C5orf15: variants seen among roughly 807,000 people sequenced by gnomAD.
The protein encoded by C5orf15 is keratinocyte-associated transmembrane protein 2.
In C5orf15, 10 loss-of-function variants were observed where a neutral mutation model predicts 17.8. The observed-to-expected ratio is 0.56, with a 90% CI of 0.35 to 0.95. The LOEUF (loss-of-function observed/expected upper bound fraction) is 0.95, where lower values mean the gene tolerates loss of function less well. Ranked by LOEUF, C5orf15 falls within the 40% of genes least tolerant of loss-of-function variation. The pLI is 0.02. For missense variants in C5orf15, 319 were observed against 331.7 expected, an observed-to-expected ratio of 0.96 and a Z score of 0.30; for synonymous variants, 124 against 131.0, an observed-to-expected ratio of 0.95 and a Z score of 0.36.
chr5:133,956,873 C>A lies in C5orf15; in HGVS notation c.784G>T (p.Asp262Tyr). 2 of 1,589,332 alleles carry A rather than the reference C, an allele frequency of 1.3e-6. No homozygotes were observed. The highest frequency in any genetic ancestry group is 1.2e-5 in the South Asian group (1 of 85,208). The part of the protein sequence containing the change: ...EAMPSLKITN[D>Y]YIF ...ATCACAGTGCTTTAAAAAATATAAT[C>A]ATTGGTAATCTTCAAAGAAGGCATT... Residue 262 changes from aspartate to tyrosine, a missense_variant, in exon 3 of 3, where the codon GAT (aspartate) becomes TAT (tyrosine). Around this residue, in one of 3 missense-constraint regions of C5orf15, gnomAD observed 175 missense variants for 192.4 expected, o/e 0.91. Coordinates refer to ENST00000231512, the MANE Select transcript of C5orf15 (RefSeq NM_020199.3).
intron 1 of C5orf15, among the ~76,000 whole-genome samples, chr5:133,964,048 C>T (rs1051229699): frequency 1.3e-5 from 2 of 152,142 alleles, no homozygotes; most frequent in Non-Finnish European, 1.5e-5. Context: ...GAAACCCCAT[C>T]TCTACCAAAA....
chr5:133,965,799 C>A (rs1485579452), intron 1 of C5orf15, among the ~76,000 whole-genome samples: 3 of 152,206 alleles, frequency 2.0e-5, no homozygotes, highest in African/African-American at 7.2e-5. Context: ...GTGGCAGGCA[C>A]CTGTGGTCCC....
At chr5:133,965,518 C>G (rs1752179126) in intron 1 of C5orf15, among the ~76,000 whole-genome samples, 1 of 152,208 alleles carries the variant, frequency 6.6e-6, no homozygotes, top group African/African-American at 2.4e-5. Flanking sequence ...AACAAAGGTA[C>G]AACTCTGACT....
At position 133,956,667 on chromosome 5, in the gene C5orf15, G is replaced by A; in HGVS notation, c.*192C>T. On this transcript the variant is annotated 3_prime_UTR_variant, in exon 3 of 3. Coordinates refer to ENST00000231512, the MANE Select transcript of C5orf15 (RefSeq NM_020199.3). ...TGTTTAACTCACATTTTGGACACCT[G>A]ATTAAACTCAGCTCTAAAAGTACAG... 1 of 410,920 alleles carries A rather than the reference G, an allele frequency of 2.4e-6. No individual in the cohort carries two copies. The highest frequency in any genetic ancestry group is 3.7e-5 in the South Asian group (1 of 27,088). 25.5% of individuals were successfully genotyped at this position (410,920 alleles called of 1,614,324 possible). A position where few individuals can be genotyped will look rare whatever the true frequency, so the allele number is the denominator to read the frequency against.
chr5:133,964,250 T>C (rs546594902), intron 1 of C5orf15, among the ~76,000 whole-genome samples: 1 of 152,238 alleles, frequency 6.6e-6, no homozygotes, highest in South Asian at 2.1e-4. Flanking sequence ...GAACAAACTA[T>C]TGACACATGT....
At chr5:133,961,705 A>AC (rs1395856246) in intron 1 of C5orf15, among the ~76,000 whole-genome samples, 1 of 151,082 alleles carries the variant, frequency 6.6e-6, no homozygotes, top group Non-Finnish European at 1.5e-5. Context: ...TGTAGCTGGG[A>AC]CCACAGGCAC....
intron 1 of C5orf15, among the ~76,000 whole-genome samples, chr5:133,965,821 G>A (rs1473488030): frequency 6.6e-6 from 1 of 152,176 alleles, no homozygotes; most frequent in Non-Finnish European, 1.5e-5. Context: ...GCTATTCAGG[G>A]GGCTGAAGTG....
chr5:133,961,718 G>A (rs1306512909), intron 1 of C5orf15, among the ~76,000 whole-genome samples: 1 of 151,158 alleles, frequency 6.6e-6, no homozygotes, highest in Non-Finnish European at 1.5e-5. Flanking sequence ...ACAGGCACAT[G>A]CTACCCTGCC....
At position 133,965,999 on chromosome 5, in the gene C5orf15, C is replaced by T. The variant is rs1278510285; in HGVS notation, c.139+2447G>A. 1.2e-4 allele frequency among the ~76,000 whole-genome samples: 18 copies of T among 152,032 alleles called. No homozygotes were observed. In the East Asian group the frequency reaches 2.9e-3, roughly 25 times the overall value. ...CAGCACTTTGGGAGGCCAAGGCGGG[C>T]GGATCACGAGGTCAGGAGATTGAGA... On this transcript the variant is annotated intron_variant, in intron 1 of 2. Coordinates refer to ENST00000231512, the MANE Select transcript of C5orf15 (RefSeq NM_020199.3).
In C5orf15 at chr5:133,968,574, G is replaced by T; in HGVS notation, c.11C>A (p.Ala4Asp). 6.2e-7 allele frequency: 1 copy of T among 1,608,986 alleles called. No homozygotes were observed. Among genetic ancestry groups the T allele is most frequent in the East Asian group, 2.2e-5 (1 of 44,748 alleles). MAA[A>D]VPKRMRGPAQ... is the part of the protein sequence containing the mutation. Reference sequence around the variant, plus strand: ...TGGCCCCCTCATCCTCTTCGGGACGGCAGCGGCCATAACGGACTCGGCTGG... The same window carrying T: ...TGGCCCCCTCATCCTCTTCGGGACGTCAGCGGCCATAACGGACTCGGCTGG... The change falls in exon 1 of 3, where the codon GCC becomes GAC. Residue 4 changes from alanine (A) to aspartate (D), a missense_variant. This residue lies in a region of C5orf15 where 127 missense variants were observed against 95.6 expected (regional missense o/e 1.33). Transcript: ENST00000231512.
chr5:133,959,187 G>A (rs1321350064), intron 2 of C5orf15, among the ~76,000 whole-genome samples: 3 of 151,898 alleles, frequency 2.0e-5, no homozygotes, highest in South Asian at 2.1e-4. Flanking sequence ...GCAAAATAGC[G>A]ACACCTCGTC....
rs556683658 is a variant in C5orf15, at chr5:133,966,465, C to T, written c.139+1981G>A. Among the ~76,000 whole-genome samples the T allele has an allele frequency of 3.9e-5, 6 of 152,184 alleles. No individual in the cohort carries two copies. The East Asian group carries it at 1.2e-3, about 29-fold the overall frequency. The stretch of plus-strand genomic sequence containing the variant: ...ACCAGGCATTTTTGAAATGGCATGA[C>T]CAAGAATTAGTCACCCAGTGATCCA... On this transcript the variant is annotated intron_variant, in intron 1 of 2. Transcript: ENST00000231512.
rs998136373 is a variant in C5orf15, at chr5:133,956,213, C to A, written c.*646G>T. On this transcript the variant is annotated 3_prime_UTR_variant, in exon 3 of 3. Transcript: ENST00000231512. ...TCTAAATTTAATATAGTAATTCCAA[C>A]CAAAAAAATAGTATCTCTGTAACAT... The A allele has an allele frequency of 1.3e-5, 2 of 152,492 alleles. No individual in the cohort carries two copies. Among genetic ancestry groups the A allele is most frequent in the East Asian group, 3.8e-4 (2 of 5,200 alleles). 9.4% of individuals were successfully genotyped at this position (152,492 alleles called of 1,614,324 possible).
In C5orf15 at chr5:133,959,580, C is replaced by T. The variant is rs751290474; in HGVS notation, c.580G>A (p.Glu194Lys). ...TGAAAAAAGAAATGGCTGTCTTCCT[C>T]TTCTATATTTGAGGATGGCATCTTA... The part of the protein sequence containing the change: ...SFKMPSSNIE[E>K]EDSHFFFHLI... The change falls in exon 2 of 3, where the codon GAG (glutamate) becomes AAG (lysine). Residue 194 changes from glutamate to lysine, a missense_variant. Coordinates refer to ENST00000231512, the MANE Select transcript of C5orf15 (RefSeq NM_020199.3). The T allele has an allele frequency of 6.2e-7, 1 of 1,610,172 alleles. No individual in the cohort carries two copies. Among genetic ancestry groups the T allele is most frequent in the South Asian group, 1.1e-5 (1 of 90,016 alleles).
At chr5:133,965,123 A>G (rs568128786) in intron 1 of C5orf15, among the ~76,000 whole-genome samples, 1 of 152,230 alleles carries the variant, frequency 6.6e-6, no homozygotes, top group South Asian at 2.1e-4. Context: ...CCCATTACCT[A>G]CTTAATAGAT....
chr5:133,965,884 T>C (rs1752183719), intron 1 of C5orf15, among the ~76,000 whole-genome samples: 1 of 151,976 alleles, frequency 6.6e-6, no homozygotes, highest in Admixed American at 6.6e-5. Flanking sequence ...AAGTTTGTGC[T>C]ACTGCACTCC....
At position 133,961,407 on chromosome 5, in the gene C5orf15, A is replaced by G. The variant is rs1036023475; in HGVS notation, c.140-1387T>C. ...AAAAAATACAAAAAATTAGCCAGGC[A>G]TGGTGGCAGGCACCTGTAGTCCCAG... is the stretch of plus-strand genomic sequence containing the variant. On this transcript the variant is annotated intron_variant, in intron 1 of 2. Transcript: ENST00000231512. Among the ~76,000 whole-genome samples, 5 of 151,886 alleles carry G rather than the reference A, an allele frequency of 3.3e-5. No individual in the cohort carries two copies. The East Asian group carries it at 5.8e-4, about 18-fold the overall frequency.
chr5:133,959,443 C>T, intron 2 of C5orf15, 51 bp downstream of exon 2: 2 of 341,832 alleles, frequency 5.9e-6, no homozygotes, highest in Non-Finnish European at 1.1e-5. Flanking sequence ...CATGAATCAT[C>T]AAAAGCATTA....
Position 133,968,592 on chromosome 5 carries a change from T to A in C5orf15, c.-8A>T. ...CGGGACGGCAGCGGCCATAACGGAC[T>A]CGGCTGGGAGCCTGCGCTGTTGCTA... On this transcript the variant is annotated 5_prime_UTR_variant, in exon 1 of 3. Coordinates refer to ENST00000231512, the MANE Select transcript of C5orf15 (RefSeq NM_020199.3). The A allele has an allele frequency of 6.2e-7, 1 of 1,603,654 alleles. No homozygotes were observed. Among genetic ancestry groups the A allele is most frequent in the Non-Finnish European group, 8.5e-7 (1 of 1,175,720 alleles).
Sources: gnomAD v4.1 joint callset for allele counts (sites outside exome capture counted in the v4.1 genomes callset) on GRCh38, gnomAD v4.1.1 for gene constraint, gnomAD v4.1.1 regional missense constraint, MANE v1.5 for transcripts, NCBI Gene and HGNC (gene_info 2026-07-23, HGNC 2026-07-21) for gene names.